KNL1: variants seen among roughly 807,000 people sequenced by gnomAD.
KNL1 encodes outer kinetochore KNL1 complex subunit KNL1.
A neutral mutation model predicts 201.3 loss-of-function variants in KNL1; 66 were observed. The ratio of observed to expected loss-of-function variants is 0.33; its 90% confidence interval spans 0.27 to 0.40. The LOEUF (loss-of-function observed/expected upper bound fraction) is 0.40, where lower values mean the gene tolerates loss of function less well. Among genes scored for constraint, KNL1 ranks in the 10% least tolerant of loss-of-function variants. The pLI is 1.00. For missense variants in KNL1, 2,815 were observed against 2,690.5 expected, an observed-to-expected ratio of 1.05 and a Z score of -1.02; for synonymous variants, 895 against 899.2, an observed-to-expected ratio of 1.00 and a Z score of 0.08.
In KNL1 at chr15:40,657,414, G is replaced by C; in HGVS notation, c.6654G>C (p.Glu2218Asp). 1 of 1,607,120 alleles carries C rather than the reference G, an allele frequency of 6.2e-7. No individual in the cohort carries two copies. Among genetic ancestry groups the C allele is most frequent in the African/African-American group, 1.3e-5 (1 of 74,910 alleles). ...HHCRLLGEEI[E>D]YLKRWGPNYN... ...GCAGACTCCTTGGAGAGGAGATTGA[G>C]TATTTAAAGAGATGGGGACCAAATT... The change falls in exon 24 of 26, where the codon GAG becomes GAC. Residue 2218 changes from glutamate to aspartate, a missense_variant. Physicochemically the swap from Glu to Asp is conservative, Grantham distance 45. Coordinates refer to ENST00000399668, the MANE Select transcript of KNL1 (RefSeq NM_144508.5).
rs761656676 is a variant in KNL1 at position 40,610,305 on chromosome 15, T to A, written c.250+8T>A. 7.0e-7 allele frequency: 1 copy of A among 1,425,448 alleles called. No homozygotes were observed. Among genetic ancestry groups the A allele is most frequent in the South Asian group, 1.2e-5 (1 of 86,404 alleles). The allele number at this position is 1,425,448 out of a possible 1,614,324, so 88.3% of individuals were successfully genotyped here. On this transcript the variant is annotated splice_region_variant and intron_variant, in intron 6 of 25. Coordinates refer to ENST00000399668, the MANE Select transcript of KNL1 (RefSeq NM_144508.5). ...GAAAGTCAGAAATGGAAGGTAAGTA[T>A]GTTACTATAATTCCTGCTAAATCTG...
At chr15:40,607,486 CTTATGG>C (rs1892013686) in intron 4 of KNL1, among the ~76,000 whole-genome samples, 2 of 152,070 alleles carry the variant, frequency 1.3e-5, no homozygotes, top group Admixed American at 1.3e-4. Flanking sequence ...TATAATAAGA[CTTATGG>C]TTAGGTATTC....
intron 14 of KNL1, among the ~76,000 whole-genome samples, chr15:40,644,712 C>G (rs554809976): frequency 2.0e-5 from 3 of 152,352 alleles, no homozygotes; most frequent in East Asian, 3.9e-4. Context: ...AAGTATACTG[C>G]TTGTAAACAT....
chr15:40,619,181 C>A (rs534999013), intron 9 of KNL1, among the ~76,000 whole-genome samples, 170 bp downstream of exon 9: 3 of 151,864 alleles, frequency 2.0e-5, no homozygotes, highest in Non-Finnish European at 4.4e-5. Flanking sequence ...TAAGTCACAG[C>A]CAGTTTAAGT....
Position 40,624,958 on chromosome 15 carries a change from A to G in KNL1, c.4694A>G (p.Asn1565Ser). 1 of 1,613,940 alleles carries G rather than the reference A, an allele frequency of 6.2e-7. No individual in the cohort carries two copies. Among genetic ancestry groups the G allele is most frequent in the Non-Finnish European group, 8.5e-7 (1 of 1,179,968 alleles). ...ATCAAACCAAATCTGAATAATTTGAATGGAAAAACTGGAGAGTTTTTAGCC... is the reference window on the plus strand; with the variant it reads ...ATCAAACCAAATCTGAATAATTTGAGTGGAAAAACTGGAGAGTTTTTAGCC... ...HSIKPNLNNL[N>S]GKTGEFLAFQ... is the part of the protein sequence containing the mutation. Residue 1565 changes from asparagine (N) to serine (S), a missense_variant, in exon 10 of 26, where the codon AAT becomes AGT. Physicochemically the swap from Asn to Ser is conservative, Grantham distance 46. Coordinates refer to ENST00000399668, the MANE Select transcript of KNL1 (RefSeq NM_144508.5).
At chr15:40,599,998 TA>T (rs2141693799) in intron 1 of KNL1, among the ~76,000 whole-genome samples, 2 of 151,382 alleles carry the variant, frequency 1.3e-5, no homozygotes, top group African/African-American at 4.8e-5. Flanking sequence ...ATTTCTGCAA[TA>T]AAACCAACAT....
intron 21 of KNL1, among the ~76,000 whole-genome samples, chr15:40,652,810 C>G (rs533763460): frequency 4.7e-5 from 7 of 149,718 alleles, no homozygotes; most frequent in African/African-American, 1.7e-4. Context: ...ATTGGAAGTT[C>G]TGTGTGTATA....
intron 17 of KNL1, among the ~76,000 whole-genome samples, chr15:40,647,299 A>C (rs1302613129): frequency 2.0e-5 from 3 of 151,940 alleles, no homozygotes; most frequent in Non-Finnish European, 4.4e-5. Context: ...ACATGGTGAA[A>C]CCCCATCTCT....
intron 1 of KNL1, among the ~76,000 whole-genome samples, chr15:40,599,314 A>C (rs918785523): frequency 2.1e-5 from 3 of 140,250 alleles, no homozygotes; most frequent in African/African-American, 7.6e-5. Flanking sequence ...TTCTGCCTCA[A>C]AAAAAAAAAA....
chr15:40,659,927 T>TGTGTGTGTGTG (rs71104714), intron 25 of KNL1, among the ~76,000 whole-genome samples: 57 of 150,682 alleles, frequency 3.8e-4, no homozygotes, highest in Non-Finnish European at 6.4e-4. Context: ...TGTGTGTGTG[T>TGTGTGTGTGTG]TTGAGATGGA....
Position 40,624,032 on chromosome 15 carries a change from C to T in KNL1, c.3768C>T (p.Val1256=), listed in dbSNP as rs1892646806. The T allele has an allele frequency of 1.9e-6, 3 of 1,613,902 alleles. No individual in the cohort carries two copies. Among genetic ancestry groups the T allele is most frequent in the African/African-American group, 2.7e-5 (2 of 75,018 alleles). Residue 1256 remains valine, a synonymous_variant, in exon 10 of 26, where the codon GTC becomes GTT. Transcript: ENST00000399668. ...ATAGTGCTGCTATGGATGAAAAGGT[C>T]ATAGGGAAAGTTGTAGACCAGGCCT... ...KFHSAAMDEK[V]IGKVVDQACT...
intron 20 of KNL1, 28 bp downstream of exon 20, chr15:40,651,600 G>C: frequency 6.7e-7 from 1 of 1,489,232 alleles, no homozygotes; most frequent in Non-Finnish European, 9.2e-7. Context: ...TCATTTGTTT[G>C]TGTTTTATTC....
At chr15:40,635,344 G>A (rs1893025160) in intron 13 of KNL1, among the ~76,000 whole-genome samples, 1 of 150,154 alleles carries the variant, frequency 6.7e-6, no homozygotes, top group Non-Finnish European at 1.5e-5. Context: ...GAGCCACCAT[G>A]CCCGGCCTGT....
chr15:40,602,209 A>G (rs1318250795), intron 1 of KNL1, among the ~76,000 whole-genome samples: 2 of 139,156 alleles, frequency 1.4e-5, no homozygotes, highest in Non-Finnish European at 3.1e-5. Context: ...TTTTTTTTCT[A>G]TTTTTAGTAG....
In KNL1 at chr15:40,644,246, G is replaced by A. The variant is rs544448300; in HGVS notation, c.5799-751G>A. ...TACGTCATAGTTAAGTTTAAGAGAA[G>A]GTATGGTGACTGGATGTACACCTAA... On this transcript the variant is annotated intron_variant, in intron 14 of 25. Transcript: ENST00000399668. Among the ~76,000 whole-genome samples the A allele has an allele frequency of 5.3e-5, 8 of 152,304 alleles. No homozygotes were observed. The East Asian group carries it at 1.5e-3, about 29-fold the overall frequency.
intron 25 of KNL1, among the ~76,000 whole-genome samples, chr15:40,660,767 G>T (rs1427993809): frequency 6.6e-6 from 1 of 151,542 alleles, no homozygotes; most frequent in Non-Finnish European, 1.5e-5. Flanking sequence ...TTGGGAGTAT[G>T]AGAATAGCCT....
chr15:40,638,200 G>A (rs998697695), intron 13 of KNL1, among the ~76,000 whole-genome samples: 1 of 137,290 alleles, frequency 7.3e-6, no homozygotes, highest in Non-Finnish European at 1.5e-5. Flanking sequence ...AAGAAAGAAA[G>A]AGAGAGAGAG....
At chr15:40,599,562 T>G (rs1280815482) in intron 1 of KNL1, among the ~76,000 whole-genome samples, 1 of 151,492 alleles carries the variant, frequency 6.6e-6, no homozygotes, top group Non-Finnish European at 1.5e-5. Context: ...TTTTGTATTT[T>G]TCGTAGAGGT....
chr15:40,594,302 G>A lies in KNL1; in HGVS notation c.-108G>A, dbSNP rs937975271. On this transcript the variant is annotated 5_prime_UTR_variant, in exon 1 of 26. Coordinates refer to ENST00000399668, the MANE Select transcript of KNL1 (RefSeq NM_144508.5). Reference sequence around the variant, plus strand: ...GGGCGTTGTGAGCGGACTGCTAGAGGCGGCTGTCTGTTTCCGCTCTAAGGA... The same window carrying A: ...GGGCGTTGTGAGCGGACTGCTAGAGACGGCTGTCTGTTTCCGCTCTAAGGA... 1 of 152,282 alleles carries A rather than the reference G, an allele frequency of 6.6e-6. No homozygotes were observed. The highest frequency in any genetic ancestry group is 2.4e-5 in the African/African-American group (1 of 41,462). The allele number at this position is 152,282 out of a possible 1,614,324, so 9.4% of individuals were successfully genotyped here.
Sources: allele counts gnomAD v4.1 joint callset (sites outside exome capture counted in the v4.1 genomes callset), GRCh38; gene constraint gnomAD v4.1.1; transcripts MANE v1.5; gene names NCBI Gene and HGNC (gene_info 2026-07-23, HGNC 2026-07-21).